SLC44A1: variants seen among roughly 807,000 people sequenced by gnomAD.
SLC44A1 encodes the protein choline transporter-like protein 1.
Under a neutral mutation model 79.3 loss-of-function variants are expected in SLC44A1, and 26 were observed. The observed-to-expected ratio is 0.33, with a 90% confidence interval of 0.24 to 0.46. SLC44A1 has a LOEUF of 0.46. Among genes scored for constraint, SLC44A1 ranks in the 20% least tolerant of loss-of-function variants. SLC44A1 has a pLI of 1.00. For missense variants in SLC44A1, 688 were observed against 798.1 expected (o/e 0.86, Z 1.66); for synonymous variants, 263 against 286.2 (o/e 0.92, Z 0.82).
At chr9:105,249,865 A>AT (rs71501461) in intron 1 of SLC44A1, among the ~76,000 whole-genome samples, 14,126 of 127,340 alleles carry the variant, frequency 0.11, 1,202 homozygotes, top group African/African-American at 0.2. Context: ...CAGTTTACTA[A>AT]TTTTTTTTTT....
intron 3 of SLC44A1, among the ~76,000 whole-genome samples, chr9:105,334,552 T>C (rs1203543585): frequency 6.6e-6 from 1 of 152,212 alleles, no homozygotes; most frequent in East Asian, 1.9e-4. Context: ...TGCATGATTT[T>C]ATAAAACTTC....
chr9:105,283,503 ACTCTT>A (rs1278993684), intron 1 of SLC44A1, among the ~76,000 whole-genome samples: 3 of 152,146 alleles, frequency 2.0e-5, no homozygotes, highest in Non-Finnish European at 2.9e-5. Flanking sequence ...TTTAAAGTGT[ACTCTT>A]CTCTTAACGT....
At chr9:105,435,667 G>C (rs1022412465) in intron 15 of SLC44A1, among the ~76,000 whole-genome samples, 1 of 152,156 alleles carries the variant, frequency 6.6e-6, no homozygotes, top group Non-Finnish European at 1.5e-5. Context: ...GACTCCAGGA[G>C]GCCTGTATGT....
At chr9:105,415,082 A>G (rs1384515812) in intron 15 of SLC44A1, among the ~76,000 whole-genome samples, 3 of 152,188 alleles carry the variant, frequency 2.0e-5, no homozygotes, top group Admixed American at 6.5e-5. Flanking sequence ...GATGAGCTGC[A>G]CAACTTTGTG....
intron 15 of SLC44A1, among the ~76,000 whole-genome samples, chr9:105,427,203 G>C (rs537119434): frequency 1.6e-4 from 25 of 152,298 alleles, no homozygotes; most frequent in African/African-American, 6.0e-4. Context: ...AAAGTGCTGA[G>C]ATTAAAGGCG....
chr9:105,416,056 C>T (rs1268075583), intron 15 of SLC44A1, among the ~76,000 whole-genome samples: 1 of 151,858 alleles, frequency 6.6e-6, no homozygotes, highest in African/African-American at 2.4e-5. Context: ...TGCCCACCAC[C>T]ATGCCCAGCT....
intron 1 of SLC44A1, chr9:105,294,947 T>A (rs1830686650): frequency 6.6e-6 from 1 of 151,692 alleles, no homozygotes; most frequent in South Asian, 2.1e-4. Context: ...TGTCTTTGAG[T>A]ATACTGATTT....
At chr9:105,254,624 A>G (rs1263044830) in intron 1 of SLC44A1, among the ~76,000 whole-genome samples, 1 of 152,206 alleles carries the variant, frequency 6.6e-6, no homozygotes, top group East Asian at 1.9e-4. Flanking sequence ...TGAACTTCAC[A>G]GTTCGTAGTT....
chr9:105,359,598 T>G (rs1490818445), intron 7 of SLC44A1, among the ~76,000 whole-genome samples: 1 of 152,214 alleles, frequency 6.6e-6, no homozygotes, highest in Non-Finnish European at 1.5e-5. Context: ...CTGTCTACCA[T>G]GGCTATTGTG....
chr9:105,406,822 A>T (rs993148866), intron 15 of SLC44A1, among the ~76,000 whole-genome samples: 1 of 152,226 alleles, frequency 6.6e-6, no homozygotes, highest in Non-Finnish European at 1.5e-5. Flanking sequence ...CTTTCAATCA[A>T]CTGTCTTAAA....
In SLC44A1 at chr9:105,392,365, A is replaced by G; in HGVS notation, c.*3309A>G. 1.2e-5 allele frequency: 12 copies of G among 960,826 alleles called. No individual in the cohort carries two copies. The highest frequency in any genetic ancestry group is 1.5e-5 in the Non-Finnish European group (12 of 813,010). 59.5% of individuals were successfully genotyped at this position (960,826 alleles called of 1,614,324 possible). On this transcript the variant is annotated 3_prime_UTR_variant, in exon 16 of 16. Coordinates refer to ENST00000374720, the MANE Select transcript of SLC44A1 (RefSeq NM_080546.5). ...AGTTTATTTTAAAGTTATGCTAGAA[A>G]TGTTTTTCTTTTGTAGAGATGCTCT...
At chr9:105,303,819 C>T (rs752917322) in intron 2 of SLC44A1, among the ~76,000 whole-genome samples, 15 of 152,200 alleles carry the variant, frequency 9.9e-5, no homozygotes, top group Admixed American at 2.0e-4. Flanking sequence ...AACGTGGTCT[C>T]ATCAGTATCT....
At chr9:105,348,533 A>G (rs1451334927) in intron 5 of SLC44A1, 82 bp downstream of exon 5, 2 of 893,730 alleles carry the variant, frequency 2.2e-6, no homozygotes, top group African/African-American at 3.3e-5. Context: ...TTCTGAGAAA[A>G]TAGTCATTTG....
At chr9:105,255,762 C>T (rs1676521070) in intron 1 of SLC44A1, among the ~76,000 whole-genome samples, 1 of 152,098 alleles carries the variant, frequency 6.6e-6, no homozygotes, top group South Asian at 2.1e-4. Context: ...AATTTGAATC[C>T]CACCTTATCA....
Position 105,298,842 on chromosome 9 carries a change from C to T in SLC44A1, c.37-378C>T, listed in dbSNP as rs148544046. The stretch of plus-strand genomic sequence containing the variant: ...CCCTCACTGAGTACATATTATGAAC[C>T]CTCAGGCATCATGTTAGATGCCGAG... On this transcript the variant is annotated intron_variant, in intron 1 of 15. Coordinates refer to ENST00000374720, the MANE Select transcript of SLC44A1 (RefSeq NM_080546.5). Among the ~76,000 whole-genome samples, 10 of 151,938 alleles carry T rather than the reference C, an allele frequency of 6.6e-5. No individual in the cohort carries two copies. In the East Asian group the frequency reaches 1.9e-3, roughly 29 times the overall value.
At chr9:105,322,637 T>A (rs1826429157) in intron 3 of SLC44A1, among the ~76,000 whole-genome samples, 1 of 152,088 alleles carries the variant, frequency 6.6e-6, no homozygotes, top group South Asian at 2.1e-4. Flanking sequence ...AGAACAGTGA[T>A]TGGAACAAAA....
chr9:105,267,343 C>G (rs1419218073), intron 1 of SLC44A1, among the ~76,000 whole-genome samples: 1 of 152,160 alleles, frequency 6.6e-6, no homozygotes, highest in Non-Finnish European at 1.5e-5. Context: ...GATGGGCCTT[C>G]TATCCATTAT....
At chr9:105,332,164 G>T (rs1167677439) in intron 3 of SLC44A1, among the ~76,000 whole-genome samples, 2 of 145,178 alleles carry the variant, frequency 1.4e-5, no homozygotes, top group Admixed American at 7.1e-5. Flanking sequence ...CTGTTGCCCA[G>T]GCTGGAGTGC....
At position 105,392,623 on chromosome 9, in the gene SLC44A1, A is replaced by G. The variant is rs1336767765; in HGVS notation, c.*3567A>G. 2.0e-6 allele frequency: 2 copies of G among 984,878 alleles called. No individual in the cohort carries two copies. The highest frequency in any genetic ancestry group is 2.4e-6 in the Non-Finnish European group (2 of 829,880). 61.0% of individuals were successfully genotyped at this position (984,878 alleles called of 1,614,324 possible). A position where few individuals can be genotyped will look rare whatever the true frequency, so the allele number is the denominator to read the frequency against. On this transcript the variant is annotated 3_prime_UTR_variant, in exon 16 of 16. Coordinates refer to ENST00000374720, the MANE Select transcript of SLC44A1 (RefSeq NM_080546.5). ...TAATACCTCTCCCTCCCTCTTCAAA[A>G]CAGCTACAGGAACTGCAGGCACCAC...
Sources: allele counts gnomAD v4.1 joint callset (sites outside exome capture counted in the v4.1 genomes callset), GRCh38; gene constraint gnomAD v4.1.1; transcripts MANE v1.5; gene names NCBI Gene and HGNC (gene_info 2026-07-23, HGNC 2026-07-21).